KDM3B: variants seen among roughly 807,000 people sequenced by gnomAD.
KDM3B encodes the protein lysine demethylase 3B.
KDM3B carries 10 observed loss-of-function variants against 170.0 expected under a neutral mutation model. The ratio of observed to expected loss-of-function variants is 0.06; its 90% CI spans 0.04 to 0.10. The LOEUF is 0.10. KDM3B is among the 10% of genes least tolerant of loss of function. KDM3B has a pLI of 1.00. For missense variants in KDM3B, 1,394 were observed against 2,195.2 expected, an observed-to-expected ratio of 0.64 and a Z score of 7.29; for synonymous variants, 831 against 834.8, an observed-to-expected ratio of 1.00 and a Z score of 0.08.
chr5:138,362,007 C>T (rs1761621203), intron 1 of KDM3B, among the ~76,000 whole-genome samples: 1 of 152,014 alleles, frequency 6.6e-6, no homozygotes, highest in African/African-American at 2.4e-5. Flanking sequence ...ACTTCATCTA[C>T]CTAAAGACAC....
intron 1 of KDM3B, among the ~76,000 whole-genome samples, chr5:138,355,216 T>G (rs1412218062): frequency 6.6e-6 from 1 of 152,244 alleles, no homozygotes; most frequent in Non-Finnish European, 1.5e-5. Flanking sequence ...TGGTTTTGAG[T>G]AATGCCTAGC....
chr5:138,419,718 T>TAC lies in KDM3B; in HGVS notation c.3715+494_3715+495dup, dbSNP rs1441720786. Among the ~76,000 whole-genome samples the TAC allele has an allele frequency of 5.4e-3, 344 of 63,674 alleles. 8 individuals carry two copies. The highest frequency in any genetic ancestry group is 0.015 in the Middle Eastern group (2 of 130). 41.8% of individuals were successfully genotyped at this position (63,674 alleles called of 152,430 possible). ...ATATATATACACACACACATATATA[T>TAC]ACACACACATACACACACACACACA... On this transcript the variant is annotated intron_variant, in intron 14 of 23. Coordinates refer to ENST00000314358, the MANE Select transcript of KDM3B (RefSeq NM_016604.4).
In KDM3B at chr5:138,352,875, C is replaced by T; in HGVS notation, c.80C>T (p.Ser27Leu). The change falls in exon 1 of 24, where the codon TCG becomes TTG. Residue 27 changes from serine to leucine, a missense_variant. This residue lies in a region of KDM3B where 99 missense variants were observed against 97.5 expected (regional missense o/e 1.02). Transcript: ENST00000314358. ...FADTAASASA[S>L]APAAAAASGD... Reference sequence around the variant, plus strand: ...GACACTGCGGCCTCAGCCTCGGCCTCGGCTCCCGCGGCGGCAGCGGCGAGC... The same window carrying T: ...GACACTGCGGCCTCAGCCTCGGCCTTGGCTCCCGCGGCGGCAGCGGCGAGC... 5.1e-6 allele frequency: 7 copies of T among 1,376,580 alleles called. No individual in the cohort carries two copies. The highest frequency in any genetic ancestry group is 6.6e-6 in the Non-Finnish European group (7 of 1,061,952). The allele number at this position is 1,376,580 out of a possible 1,614,324, so 85.3% of individuals were successfully genotyped here.
At chr5:138,435,549 C>T (rs1477635652) in intron 23 of KDM3B, 71 bp from the exon 24 acceptor site, 15 of 1,223,214 alleles carry the variant, frequency 1.2e-5, no homozygotes, top group Non-Finnish European at 1.8e-5. Context: ...AACCAGTAGG[C>T]TTACAGTCAA....
At chr5:138,419,652 CAAAAAA>C (rs1170205178) in intron 14 of KDM3B, among the ~76,000 whole-genome samples, 4 of 47,110 alleles carry the variant, frequency 8.5e-5, no homozygotes, top group Admixed American at 3.3e-4. Flanking sequence ...GACTCTGTCT[CAAAAAA>C]AAAAAAAAAA....
At chr5:138,379,458 C>A in intron 4 of KDM3B, 126 bp from the exon 5 acceptor site, 1 of 770,938 alleles carries the variant, frequency 1.3e-6, no homozygotes, top group Non-Finnish European at 2.0e-6. Context: ...CTCATTTGTT[C>A]AGTTCTATAA....
At chr5:138,366,743 G>A (rs1315715364) in intron 1 of KDM3B, among the ~76,000 whole-genome samples, 1 of 152,218 alleles carries the variant, frequency 6.6e-6, no homozygotes, top group East Asian at 1.9e-4. Context: ...GGAGGAACTA[G>A]ACTTGTGAGA....
At chr5:138,412,681 G>A (rs1763003676) in intron 11 of KDM3B, among the ~76,000 whole-genome samples, 3 of 151,950 alleles carry the variant, frequency 2.0e-5, no homozygotes, top group African/African-American at 4.8e-5. Flanking sequence ...AAAAGCTGCT[G>A]TGCACAGTGG....
intron 12 of KDM3B, among the ~76,000 whole-genome samples, chr5:138,415,783 C>T (rs1763087873): frequency 2.0e-5 from 3 of 152,000 alleles, no homozygotes; most frequent in South Asian, 4.2e-4. Flanking sequence ...TTAGTGTGCA[C>T]GTGGCCACTG....
At chr5:138,414,666 T>C (rs1228764257) in intron 11 of KDM3B, among the ~76,000 whole-genome samples, 2 of 152,206 alleles carry the variant, frequency 1.3e-5, no homozygotes, top group African/African-American at 4.8e-5. Context: ...TTATAAATTA[T>C]ACCTTAGGTT....
Position 138,435,533 on chromosome 5 carries a change from C to T in KDM3B, c.5206-87C>T, listed in dbSNP as rs1474115912. On this transcript the variant is annotated intron_variant, in intron 23 of 23. Transcript: ENST00000314358. ...CGCACAGTCCTTTTTGGGAGTTTCC[C>T]CACTAAACCAGTAGGCTTACAGTCA... 2.9e-6 allele frequency: 3 copies of T among 1,035,398 alleles called. No homozygotes were observed. In the African/African-American group the frequency reaches 4.7e-5, roughly 16 times the overall value. The allele number at this position is 1,035,398 out of a possible 1,614,324, so 64.1% of individuals were successfully genotyped here. A position where few individuals can be genotyped will look rare whatever the true frequency, so the allele number is the denominator to read the frequency against.
At chr5:138,363,300 C>T (rs367667548) in intron 1 of KDM3B, among the ~76,000 whole-genome samples, 2 of 152,108 alleles carry the variant, frequency 1.3e-5, no homozygotes, top group African/African-American at 4.8e-5. Context: ...ATTTCTACTC[C>T]GTGGCCCCGT....
chr5:138,400,292 C>T (rs1236915788), intron 11 of KDM3B, among the ~76,000 whole-genome samples: 1 of 151,668 alleles, frequency 6.6e-6, no homozygotes, highest in Non-Finnish European at 1.5e-5. Context: ...TGGAGCGCAG[C>T]GGCACAATCA....
At chr5:138,403,331 AG>A (rs1762735336) in intron 11 of KDM3B, among the ~76,000 whole-genome samples, 1 of 151,882 alleles carries the variant, frequency 6.6e-6, no homozygotes, top group Admixed American at 6.6e-5. Context: ...TAAGCTGAGG[AG>A]GGATAATCAA....
chr5:138,386,595 G>A lies in KDM3B; in HGVS notation c.1354G>A (p.Gly452Ser). 6.2e-7 allele frequency: 1 copy of A among 1,612,898 alleles called. No individual in the cohort carries two copies. Among genetic ancestry groups the A allele is most frequent in the Non-Finnish European group, 8.5e-7 (1 of 1,178,904 alleles). ...AGGGACTGTGCCAGAAAAACAGAAA[G>A]GCAGCCGGTCGCAGGCCTCGGGAGA... ...AAGTVPEKQK[G>S]SRSQASGENS... The change falls in exon 7 of 24, where the codon GGC becomes AGC. Residue 452 changes from glycine to serine, a missense_variant. By Grantham distance (56) the Gly-to-Ser change is moderately conservative (BLOSUM62 0). Coordinates refer to ENST00000314358, the MANE Select transcript of KDM3B (RefSeq NM_016604.4).
At chr5:138,423,929 C>A in intron 15 of KDM3B, 146 bp from the exon 16 acceptor site, 1 of 687,118 alleles carries the variant, frequency 1.5e-6, no homozygotes, top group Non-Finnish European at 2.2e-6. Context: ...TATCCCCCTT[C>A]CAGTTGTAAA....
intron 2 of KDM3B, among the ~76,000 whole-genome samples, chr5:138,373,935 T>C (rs1761934669): frequency 6.6e-6 from 1 of 152,262 alleles, no homozygotes; most frequent in South Asian, 2.1e-4. Context: ...TTTTTTTAAC[T>C]GATTGATGGT....
At chr5:138,375,431 G>T (rs1351622989) in intron 3 of KDM3B, among the ~76,000 whole-genome samples, 1 of 151,574 alleles carries the variant, frequency 6.6e-6, no homozygotes, top group Non-Finnish European at 1.5e-5. Flanking sequence ...AAGCTGGAGT[G>T]CAGTGGTGCG....
In KDM3B at chr5:138,393,160, C is replaced by T. The variant is rs1406968832; in HGVS notation, c.2630-11C>T. The T allele has an allele frequency of 2.5e-6, 4 of 1,613,370 alleles. No homozygotes were observed. Among genetic ancestry groups the T allele is most frequent in the Non-Finnish European group, 3.4e-6 (4 of 1,179,874 alleles). On this transcript the variant is annotated splice_polypyrimidine_tract_variant and intron_variant, in intron 8 of 23. Transcript: ENST00000314358. ...TCATGACAAACTTTTCTTCTCTCCCCCTTGCCACAGTTGGCCAGTCAGTGC... is the reference window on the plus strand; with the variant it reads ...TCATGACAAACTTTTCTTCTCTCCCTCTTGCCACAGTTGGCCAGTCAGTGC...
Sources: allele counts gnomAD v4.1 joint callset (sites outside exome capture counted in the v4.1 genomes callset), GRCh38; gene constraint gnomAD v4.1.1; regional missense constraint gnomAD v4.1.1; transcripts MANE v1.5; gene names NCBI Gene and HGNC (gene_info 2026-07-23, HGNC 2026-07-21).